The following DCC variants were observed in gnomAD, a reference collection of about 807,000 sequenced individuals.
DCC encodes netrin receptor DCC.
A neutral mutation model predicts 172.5 loss-of-function variants in DCC; 58 were observed. The ratio of observed to expected loss-of-function variants is 0.34; its 90% CI spans 0.27 to 0.42. The LOEUF is 0.42. Ranked by LOEUF, DCC falls within the 10% of genes least tolerant of loss-of-function variation. The pLI, the probability that DCC is intolerant of heterozygous loss-of-function variation, is 1.00. For missense variants in DCC, 1,740 were observed against 1,791.0 expected, an observed-to-expected ratio of 0.97 and a Z score of 0.51; for synonymous variants, 709 against 644.5, an observed-to-expected ratio of 1.10 and a Z score of -1.52.
At chr18:52,985,899 G>A (rs376389853) in intron 5 of DCC, among the ~76,000 whole-genome samples, 2 of 152,160 alleles carry the variant, frequency 1.3e-5, no homozygotes, top group African/African-American at 4.8e-5. Flanking sequence ...TATAGTTACA[G>A]CAGTTTCTTA....
intron 7 of DCC, among the ~76,000 whole-genome samples, chr18:53,102,047 T>G (rs1456116941): frequency 6.6e-6 from 1 of 152,048 alleles, no homozygotes; most frequent in Non-Finnish European, 1.5e-5. Flanking sequence ...GCTTAAAGAC[T>G]CAAGTCTTGA....
chr18:53,382,186 C>T (rs930588101), intron 15 of DCC, among the ~76,000 whole-genome samples: 5 of 151,544 alleles, frequency 3.3e-5, no homozygotes, highest in Non-Finnish European at 7.4e-5. Flanking sequence ...GATGCAAATA[C>T]GGAGATGTAT....
chr18:52,435,197 T>C (rs1422160082), intron 1 of DCC, among the ~76,000 whole-genome samples: 8 of 152,182 alleles, frequency 5.3e-5, no homozygotes, highest in African/African-American at 1.9e-4. Context: ...GTCAGGCCTT[T>C]GCCATTTATA....
At chr18:52,822,529 A>T (rs1243015993) in intron 2 of DCC, among the ~76,000 whole-genome samples, 1 of 152,222 alleles carries the variant, frequency 6.6e-6, no homozygotes, top group East Asian at 1.9e-4. Context: ...AACACATGAA[A>T]ATTATAAGCC....
intron 1 of DCC, among the ~76,000 whole-genome samples, chr18:52,673,836 G>T (rs1441410804): frequency 1.3e-5 from 2 of 152,126 alleles, no homozygotes; most frequent in African/African-American, 4.8e-5. Flanking sequence ...CTACCTTAGG[G>T]TTACTCATTT....
At chr18:52,619,566 T>A (rs1235164807) in intron 1 of DCC, among the ~76,000 whole-genome samples, 2 of 152,216 alleles carry the variant, frequency 1.3e-5, no homozygotes, top group Non-Finnish European at 2.9e-5. Context: ...GTTCTTTGGA[T>A]GCAGTTGTTC....
At chr18:53,122,209 A>T (rs930108148) in intron 7 of DCC, among the ~76,000 whole-genome samples, 1 of 152,018 alleles carries the variant, frequency 6.6e-6, no homozygotes, top group African/African-American at 2.4e-5. Flanking sequence ...CAATGGCCTA[A>T]ATGCCCTTAG....
intron 1 of DCC, among the ~76,000 whole-genome samples, chr18:52,685,783 G>A (rs1488150142): frequency 6.6e-6 from 1 of 152,074 alleles, no homozygotes; most frequent in African/African-American, 2.4e-5. Flanking sequence ...TGATAAGGTG[G>A]AAGGGATTCA....
chr18:53,333,860 C>T (rs760216066), intron 14 of DCC, among the ~76,000 whole-genome samples: 2 of 152,158 alleles, frequency 1.3e-5, no homozygotes, highest in Non-Finnish European at 2.9e-5. Context: ...CTAGCCATGA[C>T]CTTTCACCAA....
chr18:53,351,495 GTA>G (rs10585229), intron 15 of DCC, among the ~76,000 whole-genome samples: 39,207 of 79,456 alleles, frequency 0.49, 12,075 homozygotes, highest in Non-Finnish European at 0.56. Flanking sequence ...TATATAGTGT[GTA>G]TATATATATA....
At chr18:53,325,225 T>C (rs959949010) in intron 14 of DCC, among the ~76,000 whole-genome samples, 1 of 148,760 alleles carries the variant, frequency 6.7e-6, no homozygotes, top group African/African-American at 2.5e-5. Context: ...AAAAGTTTTA[T>C]GCTTTGAGGT....
At chr18:53,238,220 A>G (rs1342842995) in intron 12 of DCC, among the ~76,000 whole-genome samples, 2 of 152,134 alleles carry the variant, frequency 1.3e-5, no homozygotes, top group African/African-American at 4.8e-5. Context: ...TACTCTTCCA[A>G]TAGATATTCT....
At chr18:53,402,405 T>A (rs1003687388) in intron 18 of DCC, among the ~76,000 whole-genome samples, 42 of 146,950 alleles carry the variant, frequency 2.9e-4, no homozygotes, top group East Asian at 1.0e-3. Context: ...AAAAAAAAAA[T>A]AAATAAATAA....
At chr18:52,672,139 GT>G (rs1268328859) in intron 1 of DCC, among the ~76,000 whole-genome samples, 2 of 152,100 alleles carry the variant, frequency 1.3e-5, no homozygotes, top group Non-Finnish European at 2.9e-5. Context: ...CAATACTTCA[GT>G]TTTGTTTATG....
chr18:53,261,720 T>C (rs1277379948), intron 12 of DCC, among the ~76,000 whole-genome samples: 1 of 152,126 alleles, frequency 6.6e-6, no homozygotes, highest in African/African-American at 2.4e-5. Flanking sequence ...ACCATGGTCT[T>C]GATCTCCTGA....
chr18:52,365,106 T>C (rs1984789197), intron 1 of DCC, among the ~76,000 whole-genome samples: 1 of 152,212 alleles, frequency 6.6e-6, no homozygotes, highest in Non-Finnish European at 1.5e-5. Context: ...CACTATCATA[T>C]GGTATGTTTA....
rs377756608 is a variant in DCC at position 53,499,369 on chromosome 18, G to A, written c.3970G>A (p.Glu1324Lys). Residue 1324 changes from glutamate to lysine, a missense_variant, in exon 27 of 29, where the codon GAG (glutamate) becomes AAG (lysine). Transcript: ENST00000442544. ...ATCTCAGCCTGAGCATTCTAGCAGCGAGGAGGCACCAAGCAGAACCATCCC... is the reference window on the plus strand; with the variant it reads ...ATCTCAGCCTGAGCATTCTAGCAGCAAGGAGGCACCAAGCAGAACCATCCC... The part of the protein sequence containing the change: ...PPSQPEHSSS[E>K]EAPSRTIPTA... The A allele has an allele frequency of 3.1e-6, 5 of 1,614,036 alleles. No homozygotes were observed. Among genetic ancestry groups the A allele is most frequent in the Admixed American group, 1.7e-5 (1 of 59,998 alleles).
chr18:52,920,893 T>C (rs769750185), intron 3 of DCC, among the ~76,000 whole-genome samples: 3 of 152,118 alleles, frequency 2.0e-5, no homozygotes, highest in Non-Finnish European at 4.4e-5. Context: ...ATCTTAAATG[T>C]ATATTGCTGT....
At chr18:52,594,622 G>C (rs1319589356) in intron 1 of DCC, among the ~76,000 whole-genome samples, 1 of 152,176 alleles carries the variant, frequency 6.6e-6, no homozygotes, top group Non-Finnish European at 1.5e-5. Context: ...AAGAAAAGAG[G>C]TTTAATTGGC....
Sources: gnomAD v4.1 joint callset for allele counts (sites outside exome capture counted in the v4.1 genomes callset) on GRCh38, gnomAD v4.1.1 for gene constraint, MANE v1.5 for transcripts, NCBI Gene and HGNC (gene_info 2026-07-23, HGNC 2026-07-21) for gene names.